OGDH: variants seen among roughly 807,000 people sequenced by gnomAD.
OGDH encodes oxoglutarate dehydrogenase, also known as 2-oxoglutarate dehydrogenase complex component E1.
Under a neutral mutation model 116.6 loss-of-function variants are expected in OGDH, and 38 were observed. The ratio of observed to expected loss-of-function variants is 0.33; its 90% confidence interval spans 0.25 to 0.43. OGDH has a LOEUF of 0.43. Ranked by LOEUF, OGDH falls within the 20% of genes least tolerant of loss-of-function variation. The pLI, the probability that OGDH is intolerant of heterozygous loss-of-function variation, is 1.00. For synonymous variants in OGDH, 488 were observed against 533.3 expected, an observed-to-expected ratio of 0.92 and a Z score of 1.17; for missense variants, 825 against 1,357.2, an observed-to-expected ratio of 0.61 and a Z score of 6.16.
At position 44,626,786 on chromosome 7, in the gene OGDH, G is replaced by C. The variant is rs116992696; in HGVS notation, c.222+2221G>C. The stretch of plus-strand genomic sequence containing the variant: ...TTGCTGGGAGTCTCCAGGGGGCACA[G>C]TGTGGGAATCACATGCATGCTCTGC... On this transcript the variant is annotated intron_variant, in intron 2 of 22. Transcript: ENST00000222673. 4.5e-3 allele frequency among the ~76,000 whole-genome samples: 688 copies of C among 152,294 alleles called. 16 individuals are homozygous for C. The East Asian group carries it at 0.061, about 13-fold the overall frequency.
chr7:44,625,647 C>T (rs1585236604), intron 2 of OGDH, among the ~76,000 whole-genome samples: 2 of 152,296 alleles, frequency 1.3e-5, no homozygotes, highest in East Asian at 1.9e-4. Context: ...ATGAGCAGGG[C>T]ACTCAGCTCG....
At chr7:44,679,602 G>A (rs994062755) in intron 9 of OGDH, among the ~76,000 whole-genome samples, 12 of 152,176 alleles carry the variant, frequency 7.9e-5, no homozygotes, top group South Asian at 2.1e-4. Context: ...AGGAGAGGGT[G>A]TGTTGTATAT....
rs375316538 is a variant in OGDH, at chr7:44,674,561, C to G, written c.935+4C>G. Reference sequence around the variant, plus strand: ...TGATCATGGGCATGCCACACAGGTACAGCCAAGGGCGCGCCCAACCTGGTT... The same window carrying G: ...TGATCATGGGCATGCCACACAGGTAGAGCCAAGGGCGCGCCCAACCTGGTT... On this transcript the variant is annotated splice_donor_region_variant and intron_variant, in intron 7 of 22. Coordinates refer to ENST00000222673, the MANE Select transcript of OGDH (RefSeq NM_002541.4). The G allele has an allele frequency of 1.9e-6, 3 of 1,613,778 alleles. No individual in the cohort carries two copies. In the African/African-American group the frequency reaches 4.0e-5, roughly 22 times the overall value.
At chr7:44,648,303 C>T (rs1410152400) in intron 4 of OGDH, among the ~76,000 whole-genome samples, 3 of 152,180 alleles carry the variant, frequency 2.0e-5, no homozygotes, top group South Asian at 2.1e-4. Flanking sequence ...ATTCCCACAG[C>T]GTCAGGAGGT....
intron 4 of OGDH, among the ~76,000 whole-genome samples, chr7:44,649,029 C>T (rs919082894): frequency 5.9e-5 from 9 of 152,058 alleles, no homozygotes; most frequent in Non-Finnish European, 1.2e-4. Context: ...AGTCCCATCA[C>T]AGCCTGTCTG....
At position 44,697,780 on chromosome 7, in the gene OGDH, A is replaced by G. The variant is rs1446705870; in HGVS notation, c.2356A>G (p.Met786Val). 1 of 1,613,208 alleles carries G rather than the reference A, an allele frequency of 6.2e-7. No individual in the cohort carries two copies. The highest frequency in any genetic ancestry group is 8.5e-7 in the Non-Finnish European group (1 of 1,179,544). Residue 786 changes from methionine (M) to valine (V), a missense_variant and splice_region_variant, in exon 17 of 23, where the codon ATG becomes GTG. Around this residue, in one of 7 missense-constraint regions of OGDH, gnomAD observed 73 missense variants for 182.3 expected, o/e 0.40. Transcript: ENST00000222673. The surrounding 1 kb of genome is among the most constrained non-coding windows in gnomAD (Gnocchi z 6.0). ...VLLLPHGMEG[M>V]GPEHSSARPE... ...GCTGCTGCCCCATGGCATGGAGGGC[A>G]TGGTGAGCCTCTGGCCCTTCCCTGC...
rs539053059 is a variant in OGDH at position 44,653,669 on chromosome 7, G to A, written c.517+5910G>A. On this transcript the variant is annotated intron_variant, in intron 4 of 22. Transcript: ENST00000222673. Reference sequence around the variant, plus strand: ...GCCTCCTGAGTAGCTGAGACTACAGGCATGCGCCACCACACCAGGCTAATT... The same window carrying A: ...GCCTCCTGAGTAGCTGAGACTACAGACATGCGCCACCACACCAGGCTAATT... 1.9e-4 allele frequency among the ~76,000 whole-genome samples: 29 copies of A among 151,598 alleles called. No homozygotes were observed. In the South Asian group the frequency reaches 5.9e-3, roughly 31 times the overall value.
intron 1 of OGDH, among the ~76,000 whole-genome samples, chr7:44,608,677 C>T (rs1040182109): frequency 1.3e-5 from 2 of 151,630 alleles, no homozygotes; most frequent in Non-Finnish European, 1.5e-5. Flanking sequence ...GTCGAGATGG[C>T]GCCACGGCAC....
At chr7:44,631,236 T>C (rs942354730) in intron 2 of OGDH, among the ~76,000 whole-genome samples, 1 of 152,226 alleles carries the variant, frequency 6.6e-6, no homozygotes, top group African/African-American at 2.4e-5. Context: ...ATACATAAAC[T>C]GCATGGTCTA....
At chr7:44,647,595 C>G in intron 3 of OGDH, 62 bp from the exon 4 acceptor site, 2 of 1,585,314 alleles carry the variant, frequency 1.3e-6, no homozygotes, top group Admixed American at 1.7e-5. Context: ...TACCCCTTCC[C>G]TCTTTTTTTT....
intron 5 of OGDH, among the ~76,000 whole-genome samples, chr7:44,668,615 G>C (rs1787289546): frequency 6.6e-6 from 1 of 151,884 alleles, no homozygotes; most frequent in Non-Finnish European, 1.5e-5. Context: ...CTTGTGGCCA[G>C]TGGGATGTAT....
intron 5 of OGDH, among the ~76,000 whole-genome samples, chr7:44,669,929 T>G (rs1787361441): frequency 6.6e-6 from 1 of 152,208 alleles, no homozygotes; most frequent in Non-Finnish European, 1.5e-5. Context: ...ATCAGACAGA[T>G]CTTAAGCTAT....
At chr7:44,646,082 C>T (rs1030507678) in intron 3 of OGDH, among the ~76,000 whole-genome samples, 1 of 152,144 alleles carries the variant, frequency 6.6e-6, no homozygotes, top group Admixed American at 6.5e-5. Flanking sequence ...TTGAGCAGGA[C>T]AAGGTTTTTC....
chr7:44,664,360 T>G (rs1787088961), intron 4 of OGDH, among the ~76,000 whole-genome samples: 1 of 152,198 alleles, frequency 6.6e-6, no homozygotes, highest in South Asian at 2.1e-4. Context: ...GTGATGGGGT[T>G]GGGTGCTAGG....
At chr7:44,700,115 T>C (rs1245874833) in intron 18 of OGDH, 26 bp from the exon 19 acceptor site, 1 of 1,613,634 alleles carries the variant, frequency 6.2e-7, no homozygotes, top group African/African-American at 1.3e-5. Context: ...TGTCCTGGCC[T>C]CTGGCCATTT....
intron 1 of OGDH, among the ~76,000 whole-genome samples, chr7:44,621,870 C>CAA (rs35408903): frequency 2.2e-4 from 33 of 147,262 alleles, no homozygotes; most frequent in South Asian, 4.3e-4. Context: ...GACTCCGTAT[C>CAA]AAAAAAAAAA....
intron 4 of OGDH, among the ~76,000 whole-genome samples, chr7:44,657,807 A>G (rs940871070): frequency 2.0e-5 from 3 of 152,228 alleles, no homozygotes; most frequent in African/African-American, 7.2e-5. Flanking sequence ...AAATTTCTGT[A>G]TAAGACGTTT....
At chr7:44,680,846 A>G (rs768373725) in intron 9 of OGDH, among the ~76,000 whole-genome samples, 5 of 152,248 alleles carry the variant, frequency 3.3e-5, no homozygotes, top group Non-Finnish European at 7.3e-5. Flanking sequence ...CCCTGTTCAC[A>G]GGAAAGGGAG....
intron 4 of OGDH, among the ~76,000 whole-genome samples, chr7:44,653,592 T>C (rs531143618): frequency 2.0e-5 from 3 of 152,348 alleles, no homozygotes; most frequent in African/African-American, 7.2e-5. Context: ...AGTGGCACGA[T>C]CTCGACTCAC....
Sources: allele counts gnomAD v4.1 joint callset (sites outside exome capture counted in the v4.1 genomes callset), GRCh38; gene constraint gnomAD v4.1.1; regional missense constraint gnomAD v4.1.1; non-coding constraint Gnocchi (gnomAD v3.1); transcripts MANE v1.5; gene names NCBI Gene and HGNC (gene_info 2026-07-23, HGNC 2026-07-21).